Variants in KIF13B observed in about 807,000 individuals in gnomAD.
The protein encoded by KIF13B is kinesin-like protein KIF13B.
Under a neutral mutation model 222.0 loss-of-function variants are expected in KIF13B, and 127 were observed. The ratio of observed to expected loss-of-function variants is 0.57; its 90% confidence interval spans 0.50 to 0.66. The LOEUF (loss-of-function observed/expected upper bound fraction) is 0.66. Among genes scored for constraint, KIF13B ranks in the 30% least tolerant of loss-of-function variants. The pLI is 0.00. For synonymous variants in KIF13B, 976 were observed against 919.0 expected (o/e 1.06, Z -1.12); for missense variants, 2,173 against 2,379.0 (o/e 0.91, Z 1.80).
Position 29,099,213 on chromosome 8 carries a change from G to A in KIF13B, c.4244C>T (p.Ser1415Phe), listed in dbSNP as rs1808679349. 2 of 1,612,926 alleles carry A rather than the reference G, an allele frequency of 1.2e-6. No individual in the cohort carries two copies. The highest frequency in any genetic ancestry group is 3.3e-5 in the Admixed American group (2 of 59,920). ...KGRWESQQDVSQTTVSRGIAP... is the reference protein window; with the variant it reads ...KGRWESQQDVFQTTVSRGIAP... The stretch of plus-strand genomic sequence containing the variant: ...TATTCCTCTGGAAACTGTGGTTTGG[G>A]ATACATCCTGCTGACTTTCCCACCG... The change falls in exon 36 of 40, where the codon TCC becomes TTC. Residue 1415 changes from serine (S) to phenylalanine (F), a missense_variant. Ser to Phe is a radical substitution (Grantham distance 155, BLOSUM62 -2). Around this residue, in one of 2 missense-constraint regions of KIF13B, gnomAD observed 693 missense variants for 656.2 expected, o/e 1.06. Transcript: ENST00000524189.
At chr8:29,159,712 C>T (rs1466147917) in intron 13 of KIF13B, among the ~76,000 whole-genome samples, 1 of 152,146 alleles carries the variant, frequency 6.6e-6, no homozygotes, top group African/African-American at 2.4e-5. Flanking sequence ...CCCAGCTTTG[C>T]CGCCACTGAA....
intron 35 of KIF13B, among the ~76,000 whole-genome samples, chr8:29,102,899 TA>T (rs1402715704): frequency 6.6e-6 from 1 of 152,208 alleles, no homozygotes; most frequent in African/African-American, 2.4e-5. Flanking sequence ...CATACAACCT[TA>T]TTGACTTCTT....
intron 21 of KIF13B, among the ~76,000 whole-genome samples, chr8:29,139,832 G>A (rs554688637): frequency 1.6e-4 from 25 of 152,152 alleles, no homozygotes; most frequent in Non-Finnish European, 4.4e-5. Context: ...GCTCACTAGC[G>A]GGTGTTTGGA....
chr8:29,209,640 G>A (rs981509504), intron 2 of KIF13B, among the ~76,000 whole-genome samples: 41 of 152,216 alleles, frequency 2.7e-4, no homozygotes, highest in African/African-American at 8.9e-4. Flanking sequence ...AGGTGCTTCC[G>A]TTGCCTCACA....
chr8:29,145,546 G>C (rs1053737439), intron 18 of KIF13B, among the ~76,000 whole-genome samples: 4 of 152,052 alleles, frequency 2.6e-5, no homozygotes, highest in African/African-American at 9.7e-5. Flanking sequence ...CAGGAGAATC[G>C]CTTGAACCCA....
Position 29,167,543 on chromosome 8 carries a change from C to A in KIF13B, c.988G>T (p.Val330Leu), listed in dbSNP as rs1411912384. 1 of 1,614,012 alleles carries A rather than the reference C, an allele frequency of 6.2e-7. No individual in the cohort carries two copies. The highest frequency in any genetic ancestry group is 1.1e-5 in the South Asian group (1 of 91,080). Reference protein sequence around the residue: ...GNSKTAMVATVSPAADNYDET... With the variant: ...GNSKTAMVATLSPAADNYDET... The stretch of plus-strand genomic sequence containing the variant: ...TCATAGTTATCAGCTGCAGGACTCA[C>A]AGTAGCCACCATGGCGGTCTTGCTG... Residue 330 changes from valine to leucine, a missense_variant, in exon 11 of 40, where the codon GTG becomes TTG. Physicochemically the swap from Val to Leu is conservative, Grantham distance 32. This residue lies in a region of KIF13B where 1,480 missense variants were observed against 1,722.8 expected (regional missense o/e 0.86). Coordinates refer to ENST00000524189, the MANE Select transcript of KIF13B (RefSeq NM_015254.4).
At chr8:29,262,942 G>A (rs756937977) in intron 1 of KIF13B, 38 bp downstream of exon 1, 12 of 1,516,880 alleles carry the variant, frequency 7.9e-6, no homozygotes, top group Non-Finnish European at 1.1e-5. Context: ...GGCACCTGCC[G>A]CCTCCGCCCC....
intron 16 of KIF13B, among the ~76,000 whole-genome samples, 177 bp downstream of exon 16, chr8:29,148,400 G>GT (rs5890440): frequency 0.046 from 6,714 of 145,866 alleles, 185 homozygotes; most frequent in African/African-American, 0.07. Context: ...ACACTCTACC[G>GT]TTTTTTTTTT....
rs202161032 is a variant in KIF13B, at chr8:29,174,081, G to A, written c.945+1987C>T. Among the ~76,000 whole-genome samples the A allele has an allele frequency of 7.9e-5, 12 of 152,060 alleles. No individual in the cohort carries two copies. The East Asian group carries it at 1.5e-3, about 20-fold the overall frequency. On this transcript the variant is annotated intron_variant, in intron 10 of 39. Coordinates refer to ENST00000524189, the MANE Select transcript of KIF13B (RefSeq NM_015254.4). ...GATTACTACATTCAAACAAATGAAC[G>A]CATCCATCACCTTACATGGTTATCT...
Position 29,070,890 on chromosome 8 carries a change from C to A in KIF13B, c.5219-124G>T. 1 of 1,060,618 alleles carries A rather than the reference C, an allele frequency of 9.4e-7. No homozygotes were observed. Among genetic ancestry groups the A allele is most frequent in the Non-Finnish European group, 1.4e-6 (1 of 729,700 alleles). The allele number at this position is 1,060,618 out of a possible 1,614,324, so 65.7% of individuals were successfully genotyped here. A position where few individuals can be genotyped will look rare whatever the true frequency, so the allele number is the denominator to read the frequency against. ...CCCCCCCGCACAGGCCCTACACAGC[C>A]AGCACTCGGACACTGGCCATTGTCT... On this transcript the variant is annotated intron_variant, in intron 39 of 39. Coordinates refer to ENST00000524189, the MANE Select transcript of KIF13B (RefSeq NM_015254.4). This position sits in a 1 kb window ranked among gnomAD's most constrained non-coding sequence, Gnocchi z 4.1.
At chr8:29,206,927 T>C (rs947700479) in intron 2 of KIF13B, among the ~76,000 whole-genome samples, 3 of 152,204 alleles carry the variant, frequency 2.0e-5, no homozygotes, top group Non-Finnish European at 2.9e-5. Flanking sequence ...GGTGACCAAG[T>C]GGAAGCAAGG....
At position 29,071,758 on chromosome 8, in the gene KIF13B, C is replaced by T; in HGVS notation, c.5080G>A (p.Ala1694Thr). ...GQALASDSEE[A>T]DEVPEWLREG... ...CGGAGCCACTCCGGGACCTCGTCAGCTTCCTCGGAATCAGAGGCCAGGGCC... is the reference window on the plus strand; with the variant it reads ...CGGAGCCACTCCGGGACCTCGTCAGTTTCCTCGGAATCAGAGGCCAGGGCC... Residue 1694 changes from alanine (A) to threonine (T), a missense_variant, in exon 39 of 40, where the codon GCT becomes ACT. This residue lies in a region of KIF13B where 693 missense variants were observed against 656.2 expected (regional missense o/e 1.06). Coordinates refer to ENST00000524189, the MANE Select transcript of KIF13B (RefSeq NM_015254.4). This position sits in a 1 kb window ranked among gnomAD's most constrained non-coding sequence, Gnocchi z 4.9. The T allele has an allele frequency of 6.5e-7, 1 of 1,549,632 alleles. No homozygotes were observed. The highest frequency in any genetic ancestry group is 1.2e-5 in the South Asian group (1 of 84,060).
At chr8:29,073,014 A>T (rs1807372811) in intron 38 of KIF13B, among the ~76,000 whole-genome samples, 1 of 151,106 alleles carries the variant, frequency 6.6e-6, no homozygotes, top group African/African-American at 2.4e-5. Flanking sequence ...GGCACCAACA[A>T]GGAGCCACGG....
intron 35 of KIF13B, among the ~76,000 whole-genome samples, chr8:29,106,762 T>C (rs1809091520): frequency 6.6e-6 from 1 of 150,604 alleles, no homozygotes; most frequent in Non-Finnish European, 1.5e-5. Flanking sequence ...ACAATTGGAA[T>C]AGCACAATGA....
rs895230248 is a variant in KIF13B, at chr8:29,071,599, C to T, written c.5218+21G>A. The T allele has an allele frequency of 2.5e-5, 39 of 1,540,858 alleles. No homozygotes were observed. The highest frequency in any genetic ancestry group is 3.1e-5 in the Non-Finnish European group (35 of 1,142,490). On this transcript the variant is annotated intron_variant, in intron 39 of 39. Transcript: ENST00000524189. The surrounding 1 kb of genome is among the most constrained non-coding windows in gnomAD (Gnocchi z 4.9). ...CCAGACCCCCGGCACCACCCTGGAG[C>T]CCGGAGTGCCCGGTACCCACCTGAG... is the stretch of plus-strand genomic sequence containing the variant.
At chr8:29,095,249 C>G (rs549502803) in intron 36 of KIF13B, among the ~76,000 whole-genome samples, 1 of 152,096 alleles carries the variant, frequency 6.6e-6, no homozygotes, top group Non-Finnish European at 1.5e-5. Context: ...GTGAACCAAA[C>G]AAAGATACCA....
rs149091390 is a variant in KIF13B, at chr8:29,118,524, A to G, written c.3660+344T>C. 1.4e-3 allele frequency among the ~76,000 whole-genome samples: 218 copies of G among 152,086 alleles called. 1 individual carries two copies. Among genetic ancestry groups the G allele is most frequent in the African/African-American group, 5.1e-3 (213 of 41,492 alleles). On this transcript the variant is annotated intron_variant, in intron 30 of 39. Coordinates refer to ENST00000524189, the MANE Select transcript of KIF13B (RefSeq NM_015254.4). ...CAAAAACAAAACAAAAAAATCCCAA[A>G]GCAAATCCCAAACCTGGTGCCATTT...
intron 3 of KIF13B, among the ~76,000 whole-genome samples, chr8:29,195,164 C>G (rs1813361807): frequency 1.3e-5 from 2 of 152,224 alleles, no homozygotes; most frequent in South Asian, 4.2e-4. Flanking sequence ...AGGAGAATTG[C>G]TTGAACCCAG....
intron 23 of KIF13B, among the ~76,000 whole-genome samples, chr8:29,131,244 G>C (rs1810330743): frequency 1.3e-5 from 2 of 151,154 alleles, no homozygotes; most frequent in Admixed American, 1.3e-4. Context: ...CTGAGTGACA[G>C]GATCAATCAC....
Sources: gnomAD v4.1 joint callset for allele counts (sites outside exome capture counted in the v4.1 genomes callset) on GRCh38, gnomAD v4.1.1 for gene constraint, gnomAD v4.1.1 regional missense constraint, Gnocchi (gnomAD v3.1) non-coding constraint, MANE v1.5 for transcripts, NCBI Gene and HGNC (gene_info 2026-07-23, HGNC 2026-07-21) for gene names.